Variants in NNT observed in about 807,000 individuals in gnomAD.
NNT encodes NAD(P) transhydrogenase, mitochondrial.
NNT carries 50 observed loss-of-function variants against 104.8 expected under a neutral mutation model. The ratio of observed to expected loss-of-function variants is 0.48; its 90% CI spans 0.38 to 0.60. NNT has a LOEUF of 0.60. Ranked by LOEUF, NNT falls within the 20% of genes least tolerant of loss-of-function variation. The pLI is 0.00. For synonymous variants in NNT, 461 were observed against 490.4 expected (o/e 0.94, Z 0.79); for missense variants, 1,131 against 1,330.7 (o/e 0.85, Z 2.33).
Position 43,704,311 on chromosome 5 carries a change from C to G in NNT, c.3168C>G (p.Ile1056Met). Residue 1056 changes from isoleucine to methionine, a missense_variant, in exon 22 of 22, where the codon ATC becomes ATG. Physicochemically the swap from Ile to Met is conservative, Grantham distance 10. Coordinates refer to ENST00000344920, the MANE Select transcript of NNT (RefSeq NM_182977.3). Reference sequence around the variant, plus strand: ...GCTATGCTGCAGTGGACAATCCAATCTTCTACAAACCTAACACGGCCATGC... The same window carrying G: ...GCTATGCTGCAGTGGACAATCCAATGTTCTACAAACCTAACACGGCCATGC... ...GVGYAAVDNPIFYKPNTAMLL... is the reference protein window; with the variant it reads ...GVGYAAVDNPMFYKPNTAMLL... 6.2e-7 allele frequency: 1 copy of G among 1,610,376 alleles called. No homozygotes were observed. The highest frequency in any genetic ancestry group is 8.5e-7 in the Non-Finnish European group (1 of 1,178,426).
chr5:43,696,400 T>C (rs1311894288), intron 19 of NNT, among the ~76,000 whole-genome samples: 2 of 152,132 alleles, frequency 1.3e-5, no homozygotes, highest in Non-Finnish European at 2.9e-5. Context: ...CCCCTGTGGC[T>C]TTACAGGGTA....
At chr5:43,670,704 A>T (rs1741015630) in intron 17 of NNT, among the ~76,000 whole-genome samples, 1 of 152,196 alleles carries the variant, frequency 6.6e-6, no homozygotes, top group African/African-American at 2.4e-5. Flanking sequence ...ACTTGCACGT[A>T]TGTGGTCAAT....
chr5:43,666,386 C>G (rs929162921), intron 17 of NNT, among the ~76,000 whole-genome samples: 1 of 152,216 alleles, frequency 6.6e-6, no homozygotes, highest in African/African-American at 2.4e-5. Context: ...CGGTCAGGAG[C>G]TGGAGACCAG....
chr5:43,656,112 GT>G, intron 15 of NNT, 39 bp downstream of exon 15: 1 of 1,519,694 alleles, frequency 6.6e-7, no homozygotes, highest in Non-Finnish European at 9.1e-7. Flanking sequence ...AATATCTACT[GT>G]TTAGGGCATT....
chr5:43,612,748 A>G (rs945631313), intron 2 of NNT, among the ~76,000 whole-genome samples, 160 bp from the exon 3 acceptor site: 16 of 152,250 alleles, frequency 1.1e-4, no homozygotes, highest in Admixed American at 7.2e-4. Context: ...TCAAAGAATT[A>G]TAAGTATGAA....
chr5:43,640,436 A>C (rs1211344727), intron 7 of NNT, among the ~76,000 whole-genome samples: 1 of 152,120 alleles, frequency 6.6e-6, no homozygotes, highest in Non-Finnish European at 1.5e-5. Flanking sequence ...TCAATTGGTA[A>C]GTAAGTAGGT....
intron 17 of NNT, among the ~76,000 whole-genome samples, chr5:43,664,294 G>A (rs6860092): frequency 0.026 from 3,928 of 152,198 alleles, 172 homozygotes; most frequent in African/African-American, 0.089. Context: ...CAGAAATAGA[G>A]GTCTTACAAA....
In NNT at chr5:43,644,458, C is replaced by T. The variant is rs1280907621; in HGVS notation, c.1098+133C>T. The T allele has an allele frequency of 3.2e-6, 4 of 1,234,554 alleles. No individual in the cohort carries two copies. The African/African-American group carries it at 4.6e-5, about 14-fold the overall frequency. The allele number at this position is 1,234,554 out of a possible 1,614,324, so 76.5% of individuals were successfully genotyped here. A position where few individuals can be genotyped will look rare whatever the true frequency, so the allele number is the denominator to read the frequency against. On this transcript the variant is annotated intron_variant, in intron 8 of 21. Coordinates refer to ENST00000344920, the MANE Select transcript of NNT (RefSeq NM_182977.3). ...ATTAAAAATAGGCATATTTAAAGCT[C>T]CTGTTGAAATATGTATTTGTTTATG...
intron 18 of NNT, among the ~76,000 whole-genome samples, chr5:43,676,899 C>T (rs531961344): frequency 7.9e-5 from 12 of 151,996 alleles, no homozygotes; most frequent in South Asian, 4.2e-4. Flanking sequence ...GAGAAGCCAA[C>T]GGGAATAGCT....
At chr5:43,677,165 G>A (rs1741457478) in intron 18 of NNT, among the ~76,000 whole-genome samples, 1 of 152,108 alleles carries the variant, frequency 6.6e-6, no homozygotes, top group Non-Finnish European at 1.5e-5. Context: ...CAAATGACAG[G>A]TCAAGCCTGC....
chr5:43,604,697 A>G (rs1334866583), intron 1 of NNT, among the ~76,000 whole-genome samples: 1 of 152,172 alleles, frequency 6.6e-6, no homozygotes, highest in Non-Finnish European at 1.5e-5. Flanking sequence ...TATTTTTTCA[A>G]GTCTCGCTCT....
intron 11 of NNT, 33 bp downstream of exon 11, chr5:43,649,341 G>T (rs1739627849): frequency 1.2e-6 from 2 of 1,611,534 alleles, no homozygotes; most frequent in South Asian, 1.1e-5. Flanking sequence ...CTCATCTCAG[G>T]TTTTCATAGG....
At chr5:43,680,739 G>C (rs1741663714) in intron 19 of NNT, among the ~76,000 whole-genome samples, 2 of 152,094 alleles carry the variant, frequency 1.3e-5, no homozygotes, top group South Asian at 4.1e-4. Flanking sequence ...ACTCATTTTA[G>C]AATGTCATGA....
intron 1 of NNT, among the ~76,000 whole-genome samples, chr5:43,604,035 G>A (rs928397452): frequency 6.6e-6 from 1 of 152,202 alleles, no homozygotes; most frequent in African/African-American, 2.4e-5. Context: ...CCAGCGGGTG[G>A]CAGTTAGTTG....
intron 19 of NNT, among the ~76,000 whole-genome samples, chr5:43,686,385 A>G (rs1741992318): frequency 6.6e-6 from 1 of 152,144 alleles, no homozygotes; most frequent in African/African-American, 2.4e-5. Context: ...ACTGTATCAA[A>G]ATAAATGTGT....
intron 17 of NNT, among the ~76,000 whole-genome samples, chr5:43,660,562 G>A (rs1740300715): frequency 6.6e-6 from 1 of 152,164 alleles, no homozygotes; most frequent in Non-Finnish European, 1.5e-5. Flanking sequence ...TCACACTGCT[G>A]TAAAGAACTA....
Position 43,665,921 on chromosome 5 carries a change from C to T in NNT, c.2634+6571C>T, listed in dbSNP as rs533715392. Reference sequence around the variant, plus strand: ...GCTCCTCACTTCCCGGACGGGGTGGCGGCGGGGCAAAGACGCTCCTCAGTT... The same window carrying T: ...GCTCCTCACTTCCCGGACGGGGTGGTGGCGGGGCAAAGACGCTCCTCAGTT... On this transcript the variant is annotated intron_variant, in intron 17 of 21. Transcript: ENST00000344920. 5.9e-5 allele frequency among the ~76,000 whole-genome samples: 9 copies of T among 151,614 alleles called. No homozygotes were observed. The East Asian group carries it at 9.8e-4, about 16-fold the overall frequency.
At chr5:43,698,949 C>G (rs1229463548) in intron 19 of NNT, among the ~76,000 whole-genome samples, 1 of 150,844 alleles carries the variant, frequency 6.6e-6, no homozygotes, top group African/African-American at 2.4e-5. Flanking sequence ...TTAGAAGGGT[C>G]ATTGAAGGTA....
chr5:43,617,202 A>C (rs1749836593), intron 4 of NNT, among the ~76,000 whole-genome samples: 1 of 152,250 alleles, frequency 6.6e-6, no homozygotes, highest in African/African-American at 2.4e-5. Context: ...TTGATTCTGA[A>C]ATACACATAT....
Sources: allele counts gnomAD v4.1 joint callset (sites outside exome capture counted in the v4.1 genomes callset), GRCh38; gene constraint gnomAD v4.1.1; transcripts MANE v1.5; gene names NCBI Gene and HGNC (gene_info 2026-07-23, HGNC 2026-07-21).